Variants in IL1RAPL2 observed in about 807,000 individuals in gnomAD.
The protein encoded by IL1RAPL2 is interleukin 1 receptor accessory protein like 2, also known as X-linked interleukin-1 receptor accessory protein-like 2.
IL1RAPL2 carries 3 observed loss-of-function variants against 44.1 expected under a neutral mutation model. The observed-to-expected ratio is 0.07, with a 90% CI of 0.03 to 0.18. The LOEUF (loss-of-function observed/expected upper bound fraction) is 0.18, where lower values mean the gene tolerates loss of function less well. Among genes scored for constraint, IL1RAPL2 ranks in the 10% least tolerant of loss-of-function variants. The pLI, the probability that IL1RAPL2 is intolerant of heterozygous loss-of-function variation, is 1.00. For synonymous variants in IL1RAPL2, 181 were observed against 178.8 expected, an observed-to-expected ratio of 1.01 and a Z score of -0.10; for missense variants, 391 against 496.4, an observed-to-expected ratio of 0.79 and a Z score of 2.02.
intron 6 of IL1RAPL2, among the ~76,000 whole-genome samples, chrX:105,646,121 G>T (rs1164434831): frequency 9.0e-6 from 1 of 111,435 alleles, no homozygotes; most frequent in Non-Finnish European, 1.9e-5. Flanking sequence ...GCTCTTCGTT[G>T]TGTTCAGAGC....
At chrX:104,941,312 G>C (rs1011267821) in intron 2 of IL1RAPL2, among the ~76,000 whole-genome samples, 14 of 111,256 alleles carry the variant, frequency 1.3e-4, no homozygotes, top group Non-Finnish European at 1.9e-4. Flanking sequence ...AGTTTACAGT[G>C]CCACCAACAG....
intron 2 of IL1RAPL2, among the ~76,000 whole-genome samples, chrX:105,076,362 T>A (rs1194130832): frequency 8.9e-6 from 1 of 111,799 alleles, no homozygotes; most frequent in African/African-American, 3.3e-5. Flanking sequence ...TTTGAGTGAG[T>A]TTCTTAATCC....
chrX:104,667,233 C>T lies in IL1RAPL2; in HGVS notation c.82+8238C>T, dbSNP rs184527124. ...TTGTGGAGAAACAAGACAGTGGTTT[C>T]CTGAAATCAAATTCTGCCAAGGATT... On this transcript the variant is annotated intron_variant, in intron 2 of 10. Coordinates refer to ENST00000372582, the MANE Select transcript of IL1RAPL2 (RefSeq NM_017416.2). Among the ~76,000 whole-genome samples the T allele has an allele frequency of 3.6e-5, 4 of 111,594 alleles. No individual in the cohort carries two copies. In the Admixed American group the frequency reaches 3.8e-4, roughly 11 times the overall value.
At chrX:105,132,599 G>C (rs1032222886) in intron 2 of IL1RAPL2, among the ~76,000 whole-genome samples, 4 of 111,557 alleles carry the variant, frequency 3.6e-5, no homozygotes, top group African/African-American at 1.3e-4. Context: ...AGGACAATGT[G>C]CCTGGATGGT....
chrX:105,115,187 C>T (rs780078550), intron 2 of IL1RAPL2, among the ~76,000 whole-genome samples: 7 of 111,166 alleles, frequency 6.3e-5, no homozygotes, highest in Admixed American at 2.9e-4. Context: ...TTCGTGGTCT[C>T]GCTGGCTCAG....
intron 6 of IL1RAPL2, among the ~76,000 whole-genome samples, chrX:105,521,793 C>T (rs543700788): frequency 1.8e-5 from 2 of 111,963 alleles, no homozygotes; most frequent in African/African-American, 6.5e-5. Flanking sequence ...TTGGGCAGTT[C>T]TTTATACCAG....
chrX:105,217,373 G>A (rs1215413652), intron 3 of IL1RAPL2, among the ~76,000 whole-genome samples: 5 of 111,859 alleles, frequency 4.5e-5, no homozygotes, highest in Non-Finnish European at 1.9e-5. Flanking sequence ...TGGCCATCAG[G>A]GAAATGCAAA....
At chrX:104,804,667 C>T (rs1416110362) in intron 2 of IL1RAPL2, among the ~76,000 whole-genome samples, 2 of 112,128 alleles carry the variant, frequency 1.8e-5, no homozygotes, top group African/African-American at 3.2e-5. Context: ...AGTGAACAAA[C>T]TTTATTTCAC....
chrX:105,412,305 AGTATATAT>A (rs767812611), intron 5 of IL1RAPL2, among the ~76,000 whole-genome samples: 16 of 31,142 alleles, frequency 5.1e-4, no homozygotes, highest in Non-Finnish European at 1.5e-3. Flanking sequence ...AGAAAAATGT[AGTATATAT>A]ATATATATAT....
At chrX:105,305,618 C>A (rs983428733) in intron 5 of IL1RAPL2, among the ~76,000 whole-genome samples, 3 of 111,220 alleles carry the variant, frequency 2.7e-5, no homozygotes, top group Non-Finnish European at 3.8e-5. Flanking sequence ...GCTTAGCATT[C>A]CCTCCTGAAG....
intron 5 of IL1RAPL2, among the ~76,000 whole-genome samples, chrX:105,341,863 G>A (rs970700708): frequency 3.6e-5 from 4 of 110,709 alleles, no homozygotes; most frequent in Admixed American, 1.9e-4. Flanking sequence ...CCTGGGAGGC[G>A]GAGTTTGCTG....
chrX:105,517,449 C>G (rs751416917), intron 6 of IL1RAPL2, among the ~76,000 whole-genome samples: 3 of 111,419 alleles, frequency 2.7e-5, no homozygotes, highest in Non-Finnish European at 5.7e-5. Flanking sequence ...TGCTACTACT[C>G]TTTTCAGGCA....
intron 1 of IL1RAPL2, among the ~76,000 whole-genome samples, chrX:104,602,306 T>C (rs1928899350): frequency 9.0e-6 from 1 of 111,604 alleles, no homozygotes; most frequent in Admixed American, 9.5e-5. Context: ...GATACTGCAC[T>C]CATACCATGG....
chrX:105,499,529 C>T (rs1226208871), intron 6 of IL1RAPL2, among the ~76,000 whole-genome samples: 1 of 111,645 alleles, frequency 9.0e-6, no homozygotes, highest in Admixed American at 9.6e-5. Flanking sequence ...TGAGTAACTC[C>T]TACAACTCAA....
At chrX:104,973,913 C>G (rs2030283942) in intron 2 of IL1RAPL2, among the ~76,000 whole-genome samples, 1 of 111,985 alleles carries the variant, frequency 8.9e-6, no homozygotes, top group Non-Finnish European at 1.9e-5. Flanking sequence ...AATATATTTT[C>G]TGTCAATAGC....
chrX:105,336,654 A>C (rs1322449068), intron 5 of IL1RAPL2, among the ~76,000 whole-genome samples: 1 of 111,682 alleles, frequency 9.0e-6, no homozygotes, highest in African/African-American at 3.3e-5. Context: ...CTCTACATTT[A>C]TGTCTCCTAA....
chrX:105,650,537 A>G (rs996429224), intron 6 of IL1RAPL2, among the ~76,000 whole-genome samples: 13 of 112,416 alleles, frequency 1.2e-4, no homozygotes, highest in Non-Finnish European at 2.3e-4. Flanking sequence ...CATTTCCCCA[A>G]ATCTTCTCTT....
At chrX:105,504,563 G>A (rs1003635182) in intron 6 of IL1RAPL2, among the ~76,000 whole-genome samples, 8 of 111,034 alleles carry the variant, frequency 7.2e-5, no homozygotes, top group Non-Finnish European at 1.1e-4. Context: ...ACACAATACC[G>A]AGGAGAGCAA....
intron 5 of IL1RAPL2, among the ~76,000 whole-genome samples, chrX:105,417,560 A>C (rs1343104423): frequency 2.7e-5 from 3 of 112,948 alleles, no homozygotes; most frequent in Non-Finnish European, 5.6e-5. Context: ...CACATGTACT[A>C]AAATTATTTG....
Sources: gnomAD v4.1 joint callset for allele counts (sites outside exome capture counted in the v4.1 genomes callset) on GRCh38, gnomAD v4.1.1 for gene constraint, MANE v1.5 for transcripts, NCBI Gene and HGNC (gene_info 2026-07-23, HGNC 2026-07-21) for gene names.